Variants in PET117 observed in about 807,000 individuals in gnomAD.
The protein encoded by PET117 is protein PET117 homolog, mitochondrial.
PET117 carries 10 observed loss-of-function variants against 9.2 expected under a neutral mutation model. The observed-to-expected ratio is 1.09, with a 90% CI of 0.67 to 1.85. The LOEUF is 1.85. Ranked by LOEUF, PET117 falls within the 40% of genes most tolerant of loss-of-function variation. PET117 has a pLI of 0.00. For synonymous variants in PET117, 43 were observed against 37.1 expected (o/e 1.16, Z -0.57); for missense variants, 96 against 98.2 (o/e 0.98, Z 0.09).
chr20:18,140,828 A>AAC (rs1453159193), intron 1 of PET117, among the ~76,000 whole-genome samples: 2 of 149,614 alleles, frequency 1.3e-5, no homozygotes, highest in Non-Finnish European at 1.5e-5. Flanking sequence ...CAAAAAAAAA[A>AAC]AAAAAAAACC....
chr20:18,140,430 G>T (rs1291610378), intron 1 of PET117, among the ~76,000 whole-genome samples: 2 of 152,046 alleles, frequency 1.3e-5, no homozygotes, highest in Non-Finnish European at 2.9e-5. Context: ...TTAAAAATAG[G>T]TAAAATAATT....
At chr20:18,138,726 A>G (rs1355183006) in intron 1 of PET117, among the ~76,000 whole-genome samples, 1 of 152,154 alleles carries the variant, frequency 6.6e-6, no homozygotes, top group African/African-American at 2.4e-5. Context: ...ATTTCAGGAA[A>G]TATCCGTGAC....
At chr20:18,140,830 A>AC (rs1374032204) in intron 1 of PET117, among the ~76,000 whole-genome samples, 2 of 149,482 alleles carry the variant, frequency 1.3e-5, no homozygotes, top group Non-Finnish European at 3.0e-5. Context: ...AAAAAAAAAA[A>AC]AAAAAACCAA....
chr20:18,141,348 T>G (rs1416114979), intron 1 of PET117, among the ~76,000 whole-genome samples: 2 of 152,290 alleles, frequency 1.3e-5, no homozygotes, highest in East Asian at 3.9e-4. Flanking sequence ...CATTTATTTT[T>G]TCCGCTGGTA....
chr20:18,141,038 T>TA (rs57230301), intron 1 of PET117, among the ~76,000 whole-genome samples: 3,494 of 31,580 alleles, frequency 0.11, 99 homozygotes, highest in South Asian at 0.17. Context: ...TTTTTTTTTT[T>TA]TTTTTTTTAT....
intron 1 of PET117, 83 bp downstream of exon 1, chr20:18,138,134 C>A: frequency 7.3e-7 from 1 of 1,362,522 alleles, no homozygotes. Flanking sequence ...CCGCTCGGTT[C>A]CTCAGCTCCT....
In PET117 at chr20:18,142,483, G is replaced by T; in HGVS notation, c.*126G>T. 6.9e-7 allele frequency: 1 copy of T among 1,457,482 alleles called. No individual in the cohort carries two copies. Among genetic ancestry groups the T allele is most frequent in the Non-Finnish European group, 9.0e-7 (1 of 1,109,966 alleles). 90.3% of individuals were successfully genotyped at this position (1,457,482 alleles called of 1,614,324 possible). On this transcript the variant is annotated 3_prime_UTR_variant, in exon 2 of 2. Transcript: ENST00000432901. ...TCCTTTTAAACTTGATCAAATAAAG[G>T]ACAGTGGGTCATATAAGTTACTGCT...
At chr20:18,138,341 G>T (rs919916439) in intron 1 of PET117, 10 of 1,110,424 alleles carry the variant, frequency 9.0e-6, no homozygotes, top group Non-Finnish European at 1.1e-5. Flanking sequence ...CACAGGCACG[G>T]CACGCAAGCT....
rs528487147 is a variant in PET117 at position 18,138,157 on chromosome 20, C to A, written c.96+106C>A. The A allele has an allele frequency of 5.2e-5, 70 of 1,336,710 alleles. No homozygotes were observed. In the South Asian group the frequency reaches 8.1e-4, roughly 16 times the overall value. 82.8% of individuals were successfully genotyped at this position (1,336,710 alleles called of 1,614,324 possible). A position where few individuals can be genotyped will look rare whatever the true frequency, so the allele number is the denominator to read the frequency against. The stretch of plus-strand genomic sequence containing the variant: ...TTCCTCAGCTCCTCTTCGTGTCTTT[C>A]CCCCGCGGTGGCGCGGCCCTGCACC... On this transcript the variant is annotated intron_variant, in intron 1 of 1. Coordinates refer to ENST00000432901, the MANE Select transcript of PET117 (RefSeq NM_001164811.2).
chr20:18,140,818 C>CAAA (rs1157203058), intron 1 of PET117, among the ~76,000 whole-genome samples: 1,358 of 78,928 alleles, frequency 0.017, 33 homozygotes, highest in African/African-American at 0.045. Flanking sequence ...GACTCCTTCT[C>CAAA]AAAAAAAAAA....
intron 1 of PET117, among the ~76,000 whole-genome samples, chr20:18,139,003 T>C (rs939238099): frequency 8.5e-5 from 13 of 152,352 alleles, no homozygotes; most frequent in Admixed American, 8.5e-4. Flanking sequence ...ATGGACTGGA[T>C]GAATCAAGAG....
chr20:18,138,103 G>A (rs2037364819), intron 1 of PET117, 52 bp downstream of exon 1: 2 of 1,426,636 alleles, frequency 1.4e-6, no homozygotes, highest in Non-Finnish European at 1.8e-6. Flanking sequence ...GCGTCGACCT[G>A]GGGCCTCTCG....
chr20:18,139,725 A>G (rs1043918638), intron 1 of PET117, among the ~76,000 whole-genome samples: 14 of 151,352 alleles, frequency 9.2e-5, no homozygotes, highest in African/African-American at 3.4e-4. Flanking sequence ...CTTACATTGT[A>G]TTAATAGCAG....
In PET117 at chr20:18,142,587, A is replaced by T; in HGVS notation, c.*230A>T. ...AGTCTGTCTGGGTGATCCTGGTAGA[A>T]GCCCCATTAGGGTCACTGTCCAGTG... On this transcript the variant is annotated 3_prime_UTR_variant, in exon 2 of 2. Coordinates refer to ENST00000432901, the MANE Select transcript of PET117 (RefSeq NM_001164811.2). 6.3e-7 allele frequency: 1 copy of T among 1,583,698 alleles called. No homozygotes were observed. Among genetic ancestry groups the T allele is most frequent in the East Asian group, 2.2e-5 (1 of 44,448 alleles).
chr20:18,141,633 C>T (rs759689126), intron 1 of PET117, among the ~76,000 whole-genome samples: 4 of 152,242 alleles, frequency 2.6e-5, no homozygotes, highest in African/African-American at 4.8e-5. Context: ...GCCTGTAATC[C>T]GGCACTTTGG....
intron 1 of PET117, among the ~76,000 whole-genome samples, chr20:18,139,850 A>G (rs1035938680): frequency 2.6e-5 from 4 of 152,214 alleles, no homozygotes; most frequent in Non-Finnish European, 5.9e-5. Flanking sequence ...CAGGCAGTGT[A>G]TTAAGCACTT....
intron 1 of PET117, chr20:18,138,278 C>T (rs1185567956): frequency 1.1e-5 from 13 of 1,215,706 alleles, no homozygotes; most frequent in African/African-American, 3.2e-5. Flanking sequence ...CAGGACGACC[C>T]GGCTGCCCGG....
intron 1 of PET117, among the ~76,000 whole-genome samples, chr20:18,138,777 T>C (rs554144368): frequency 6.6e-6 from 1 of 152,288 alleles, no homozygotes; most frequent in East Asian, 1.9e-4. Flanking sequence ...TCAGTTCATA[T>C]TTTCTTTCTT....
At position 18,142,153 on chromosome 20, in the gene PET117, A is replaced by G; in HGVS notation, c.97-55A>G. 4.7e-6 allele frequency: 7 copies of G among 1,498,758 alleles called. No individual in the cohort carries two copies. In the South Asian group the frequency reaches 7.6e-5, roughly 16 times the overall value. The allele number at this position is 1,498,758 out of a possible 1,614,324, so 92.8% of individuals were successfully genotyped here. A position where few individuals can be genotyped will look rare whatever the true frequency, so the allele number is the denominator to read the frequency against. ...CTGTTATTTGGATTTGAATGGCACA[A>G]GGATGGGGACCACCTGTTCGGGATG... On this transcript the variant is annotated intron_variant, in intron 1 of 1. Transcript: ENST00000432901.
Sources: allele counts gnomAD v4.1 joint callset (sites outside exome capture counted in the v4.1 genomes callset), GRCh38; gene constraint gnomAD v4.1.1; transcripts MANE v1.5; gene names NCBI Gene and HGNC (gene_info 2026-07-23, HGNC 2026-07-21).